CCDC141: variants seen among roughly 807,000 people sequenced by gnomAD.
The protein encoded by CCDC141 is coiled-coil domain-containing protein 141.
A neutral mutation model predicts 181.0 loss-of-function variants in CCDC141; 168 were observed. That is an observed-to-expected ratio of 0.93 (90% confidence interval 0.82 to 1.05). CCDC141 has a LOEUF of 1.05. Ranked by LOEUF, CCDC141 falls within the 50% of genes least tolerant of loss-of-function variation. CCDC141 has a pLI of 0.00. For missense variants in CCDC141, 1,902 were observed against 1,788.5 expected (o/e 1.06, Z -1.14); for synonymous variants, 666 against 642.3 (o/e 1.04, Z -0.56).
intron 11 of CCDC141, among the ~76,000 whole-genome samples, chr2:178,882,903 C>T (rs1014419283): frequency 1.4e-4 from 21 of 151,800 alleles, no homozygotes; most frequent in African/African-American, 4.6e-4. Flanking sequence ...AATGAGTAAC[C>T]ATTAGCTGGT....
At chr2:178,859,282 C>T (rs538616776) in intron 17 of CCDC141, among the ~76,000 whole-genome samples, 2 of 152,270 alleles carry the variant, frequency 1.3e-5, no homozygotes, top group East Asian at 3.9e-4. Context: ...AAAAATCTTG[C>T]CATTCTTAAT....
At chr2:178,921,584 C>A (rs1460310823) in intron 6 of CCDC141, among the ~76,000 whole-genome samples, 3 of 151,658 alleles carry the variant, frequency 2.0e-5, no homozygotes, top group Non-Finnish European at 4.4e-5. Context: ...TGCAGTACTT[C>A]TTGGCATCTT....
intron 7 of CCDC141, among the ~76,000 whole-genome samples, chr2:178,913,555 A>T (rs1385533958): frequency 6.6e-6 from 1 of 152,224 alleles, no homozygotes; most frequent in Admixed American, 6.5e-5. Context: ...TACAAATTCC[A>T]TGCTTAATTA....
In CCDC141 at chr2:178,939,380, G is replaced by A. The variant is rs1352513439; in HGVS notation, c.897+5155C>T. 2.6e-5 allele frequency among the ~76,000 whole-genome samples: 4 copies of A among 152,106 alleles called. No homozygotes were observed. The East Asian group carries it at 7.7e-4, about 29-fold the overall frequency. On this transcript the variant is annotated intron_variant, in intron 6 of 23. Transcript: ENST00000443758. ...AGACAAAAGGTGGTTGAGTCTCAGGGCACATGGCTGTCTACATACAATAAG... is the reference window on the plus strand; with the variant it reads ...AGACAAAAGGTGGTTGAGTCTCAGGACACATGGCTGTCTACATACAATAAG...
In CCDC141 at chr2:178,840,265, G is replaced by A. The variant is rs968644517; in HGVS notation, c.3475-2521C>T. 1.9e-4 allele frequency among the ~76,000 whole-genome samples: 29 copies of A among 152,210 alleles called. 1 individual carries two copies. The highest frequency in any genetic ancestry group is 1.1e-3 in the Admixed American group (17 of 15,290). ...TTCTGGGAGGTCCCACTCCTACTGC[G>A]CCACAAGATCCTTCATAGAAGAGCA... On this transcript the variant is annotated intron_variant, in intron 22 of 23. Transcript: ENST00000443758.
chr2:178,821,841 G>C, the CCDC141 span, among the ~76,000 whole-genome samples: 1 of 152,206 alleles, frequency 6.6e-6, no homozygotes, highest in Non-Finnish European at 1.5e-5. Context: ...CATTGTGGAA[G>C]ACTGTGGTGA....
rs12464157 is a variant in CCDC141, at chr2:178,856,305, C to T, written c.2817G>A (p.Ala939=). 0.086 allele frequency: 137,944 copies of T among 1,607,508 alleles called. 7,346 individuals are homozygous for T. Among genetic ancestry groups the T allele is most frequent in the Admixed American group, 0.22 (13,124 of 58,736 alleles). ...CAACTTGCTGAATTTGATATTTAAG[C>T]GCCTTCAGATTCCGAGATTTTTCAT... ...KKNEKSRNLK[A]LKYQIQQVDM... is the part of the protein sequence containing the mutation. The change falls in exon 18 of 24, where the codon GCG becomes GCA. Residue 939 remains alanine, a synonymous_variant. Coordinates refer to ENST00000443758, the MANE Select transcript of CCDC141 (RefSeq NM_173648.4).
chr2:179,009,214 A>G (rs1365023700), intron 2 of CCDC141, among the ~76,000 whole-genome samples: 4 of 152,084 alleles, frequency 2.6e-5, no homozygotes, highest in Non-Finnish European at 5.9e-5. Context: ...CCTTGTAACT[A>G]TATTTTATAT....
At chr2:178,950,668 G>A (rs74582426) in intron 5 of CCDC141, among the ~76,000 whole-genome samples, 2,121 of 152,232 alleles carry the variant, frequency 0.014, 52 homozygotes, top group African/African-American at 0.049. Flanking sequence ...ATTTTCTTCT[G>A]TTGAATTTTG....
intron 2 of CCDC141, among the ~76,000 whole-genome samples, chr2:179,015,655 CATATATCTCATACATATCTCAT>C (rs1303420131): frequency 1.7e-4 from 20 of 116,428 alleles, no homozygotes; most frequent in African/African-American, 6.0e-4. Flanking sequence ...ATATCTCATA[CATATATCTCATACATATCTCAT>C]ATATATCTCA....
At chr2:178,929,221 A>G (rs1327156548) in intron 6 of CCDC141, among the ~76,000 whole-genome samples, 1 of 152,204 alleles carries the variant, frequency 6.6e-6, no homozygotes, top group African/African-American at 2.4e-5. Flanking sequence ...ATCATCAGAT[A>G]TGTGAGCTGA....
intron 7 of CCDC141, among the ~76,000 whole-genome samples, chr2:178,916,038 A>C (rs1688432245): frequency 6.6e-6 from 1 of 152,072 alleles, no homozygotes; most frequent in African/African-American, 2.4e-5. Flanking sequence ...TGTCTTCTGC[A>C]ATCATCCATG....
intron 5 of CCDC141, among the ~76,000 whole-genome samples, chr2:178,948,817 C>T (rs1689835553): frequency 6.6e-6 from 1 of 152,202 alleles, no homozygotes; most frequent in Non-Finnish European, 1.5e-5. Context: ...CCTTCACCTT[C>T]CGCCATGGGT....
chr2:178,884,164 A>G (rs563337450), intron 11 of CCDC141, among the ~76,000 whole-genome samples: 53 of 151,914 alleles, frequency 3.5e-4, no homozygotes, highest in African/African-American at 1.2e-3. Flanking sequence ...CAGTATCCAC[A>G]TGCACAAATT....
At chr2:179,013,582 A>G (rs2042334517) in intron 2 of CCDC141, among the ~76,000 whole-genome samples, 1 of 152,186 alleles carries the variant, frequency 6.6e-6, no homozygotes, top group Non-Finnish European at 1.5e-5. Flanking sequence ...TCAAAATACC[A>G]GCATCATTCT....
intron 4 of CCDC141, among the ~76,000 whole-genome samples, chr2:178,964,841 CA>C (rs1370773544): frequency 6.6e-6 from 1 of 152,156 alleles, no homozygotes; most frequent in African/African-American, 2.4e-5. Context: ...TGTATATCAG[CA>C]CATACGAAAT....
In CCDC141 at chr2:178,830,289, A is replaced by C. The variant is rs1420498098; in HGVS notation, c.*3884T>G. 1.3e-5 allele frequency: 2 copies of C among 152,180 alleles called. No individual in the cohort carries two copies. Among genetic ancestry groups the C allele is most frequent in the Non-Finnish European group, 2.9e-5 (2 of 68,034 alleles). 9.4% of individuals were successfully genotyped at this position (152,180 alleles called of 1,614,324 possible). On this transcript the variant is annotated 3_prime_UTR_variant, in exon 24 of 24. Coordinates refer to ENST00000443758, the MANE Select transcript of CCDC141 (RefSeq NM_173648.4). ...TCCTTACTATTATTTTAGTCCGTGGAGCCAGCATCTATTTTTAAATTCAAA... is the reference window on the plus strand; with the variant it reads ...TCCTTACTATTATTTTAGTCCGTGGCGCCAGCATCTATTTTTAAATTCAAA...
chr2:178,978,654 C>A lies in CCDC141; in HGVS notation c.247G>T (p.Glu83Ter). 1 of 1,541,876 alleles carries A rather than the reference C, an allele frequency of 6.5e-7. No homozygotes were observed. The highest frequency in any genetic ancestry group is 1.2e-5 in the South Asian group (1 of 82,678). The change falls in exon 3 of 24, where the codon GAA becomes TAA. Residue 83 changes from glutamate (E) to a stop codon, truncating the protein, a stop_gained. Coordinates refer to ENST00000443758, the MANE Select transcript of CCDC141 (RefSeq NM_173648.4). LOFTEE classifies it high-confidence loss of function. Reference sequence around the variant, plus strand: ...GTCTTGTCTGCTTCCTGCAAGAGTTCCCATACCCGATCTTCCAAAGCCTAA... The same window carrying A: ...GTCTTGTCTGCTTCCTGCAAGAGTTACCATACCCGATCTTCCAAAGCCTAA... ...KLKALEDRVW[E>*]LLQEADKTAE... is the part of the protein sequence containing the mutation.
chr2:178,862,119 C>T (rs534698746), intron 17 of CCDC141, among the ~76,000 whole-genome samples: 1 of 152,278 alleles, frequency 6.6e-6, no homozygotes, highest in South Asian at 2.1e-4. Context: ...CCCTGTAACT[C>T]ATTTGACTGA....
Sources: allele counts gnomAD v4.1 joint callset (sites outside exome capture counted in the v4.1 genomes callset), GRCh38; gene constraint gnomAD v4.1.1; transcripts MANE v1.5; gene names NCBI Gene and HGNC (gene_info 2026-07-23, HGNC 2026-07-21).